The following HS6ST2 variants were observed in gnomAD, a reference collection of about 807,000 sequenced individuals.
HS6ST2 encodes heparan-sulfate 6-O-sulfotransferase 2.
A neutral mutation model predicts 33.0 loss-of-function variants in HS6ST2; 17 were observed. That is an observed-to-expected ratio of 0.52 (90% confidence interval 0.35 to 0.77). The LOEUF is 0.77. Among genes scored for constraint, HS6ST2 ranks in the 30% least tolerant of loss-of-function variants. The pLI is 0.01. For synonymous variants in HS6ST2, 248 were observed against 237.1 expected, an observed-to-expected ratio of 1.05 and a Z score of -0.42; for missense variants, 519 against 551.7, an observed-to-expected ratio of 0.94 and a Z score of 0.59.
At chrX:132,920,373 C>G (rs191621316) in intron 2 of HS6ST2, among the ~76,000 whole-genome samples, 2 of 110,961 alleles carry the variant, frequency 1.8e-5, no homozygotes, top group East Asian at 5.7e-4. Context: ...TCGATGCTTA[C>G]ACCTCCGTGA....
intron 2 of HS6ST2, among the ~76,000 whole-genome samples, chrX:132,891,514 T>G (rs768789603): frequency 1.8e-5 from 2 of 109,415 alleles, no homozygotes; most frequent in East Asian, 5.8e-4. Flanking sequence ...TAGGTATATC[T>G]CCTAATGCTA....
intron 2 of HS6ST2, among the ~76,000 whole-genome samples, chrX:132,860,729 T>G (rs1367968293): frequency 2.7e-5 from 3 of 110,351 alleles, no homozygotes; most frequent in African/African-American, 9.9e-5. Flanking sequence ...CCAACTGTTT[T>G]TGTTTGCCTT....
At chrX:132,846,346 G>A (rs2065750335) in intron 2 of HS6ST2, among the ~76,000 whole-genome samples, 1 of 112,303 alleles carries the variant, frequency 8.9e-6, no homozygotes, top group African/African-American at 3.2e-5. Context: ...AAGGTAATCA[G>A]AACTCTCTTA....
chrX:132,637,533 C>G (rs2063557280), intron 4 of HS6ST2, among the ~76,000 whole-genome samples: 1 of 106,161 alleles, frequency 9.4e-6, no homozygotes. Flanking sequence ...TCACGAAAGG[C>G]CATGATAAGG....
At chrX:132,802,485 G>A (rs969100731) in intron 2 of HS6ST2, among the ~76,000 whole-genome samples, 6 of 111,637 alleles carry the variant, frequency 5.4e-5, no homozygotes, top group African/African-American at 2.0e-4. Context: ...ACACTGTAAA[G>A]TAGTAACACT....
At chrX:132,852,361 G>A (rs1385801955) in intron 2 of HS6ST2, among the ~76,000 whole-genome samples, 1 of 111,430 alleles carries the variant, frequency 9.0e-6, no homozygotes, top group Non-Finnish European at 1.9e-5. Flanking sequence ...TATAATCATA[G>A]TAAATTCCAT....
intron 2 of HS6ST2, among the ~76,000 whole-genome samples, chrX:132,843,850 G>T (rs2097381): frequency 2.7e-5 from 3 of 110,513 alleles, no homozygotes; most frequent in South Asian, 3.8e-4. Context: ...CTTTTCCCTG[G>T]GGAAGTCGCC....
At chrX:132,767,360 A>C (rs1818418686) in intron 2 of HS6ST2, among the ~76,000 whole-genome samples, 1 of 111,766 alleles carries the variant, frequency 8.9e-6, no homozygotes. Flanking sequence ...CTGGGACTAC[A>C]GGCGCACATC....
chrX:132,728,442 C>A (rs750832796), intron 2 of HS6ST2, among the ~76,000 whole-genome samples: 33 of 111,653 alleles, frequency 3.0e-4, no homozygotes, highest in African/African-American at 9.4e-4. Context: ...GACAAGGCAG[C>A]GGGTGTGGGA....
At chrX:132,706,152 G>A (rs1416523664) in intron 3 of HS6ST2, among the ~76,000 whole-genome samples, 1 of 110,881 alleles carries the variant, frequency 9.0e-6, no homozygotes, top group Non-Finnish European at 1.9e-5. Flanking sequence ...ATCTGAAAAA[G>A]GAGGGAGTGT....
chrX:132,819,541 A>C (rs1221729356), intron 2 of HS6ST2, among the ~76,000 whole-genome samples: 1 of 111,949 alleles, frequency 8.9e-6, no homozygotes, highest in Admixed American at 9.5e-5. Context: ...GACAATACCC[A>C]GAGAACTAAG....
chrX:132,909,790 G>A (rs2066514371), intron 2 of HS6ST2, among the ~76,000 whole-genome samples: 1 of 111,153 alleles, frequency 9.0e-6, no homozygotes, highest in South Asian at 3.9e-4. Context: ...GCATTTCAAA[G>A]GCAAAAAATG....
At chrX:132,889,298 G>T (rs2066283145) in intron 2 of HS6ST2, among the ~76,000 whole-genome samples, 1 of 111,464 alleles carries the variant, frequency 9.0e-6, no homozygotes, top group Non-Finnish European at 1.9e-5. Flanking sequence ...AGATTATGCT[G>T]GGGATTAAAT....
Position 132,784,779 on chromosome X carries a change from C to T in HS6ST2, c.948-76285G>A, listed in dbSNP as rs1348573988. 3.6e-5 allele frequency among the ~76,000 whole-genome samples: 4 copies of T among 111,982 alleles called. No individual in the cohort carries two copies. In the East Asian group the frequency reaches 8.4e-4, roughly 24 times the overall value. ...ACCATTGAAAGAAACTTCATTTGGT[C>T]GGGCTGGCACCACATCAAAAAACAA... On this transcript the variant is annotated intron_variant, in intron 2 of 4. Coordinates refer to ENST00000370833, the MANE Select transcript of HS6ST2 (RefSeq NM_001394073.1).
At chrX:132,889,050 G>A (rs1180059065) in intron 2 of HS6ST2, among the ~76,000 whole-genome samples, 2 of 110,882 alleles carry the variant, frequency 1.8e-5, no homozygotes, top group Non-Finnish European at 3.8e-5. Context: ...CAGGCAGCAA[G>A]TAGCAGACCC....
chrX:132,844,130 AC>A (rs1188955471), intron 2 of HS6ST2, among the ~76,000 whole-genome samples: 1 of 112,082 alleles, frequency 8.9e-6, no homozygotes, highest in African/African-American at 3.2e-5. Context: ...AAGAGTTCAC[AC>A]ATCTTCTAGA....
intron 2 of HS6ST2, among the ~76,000 whole-genome samples, chrX:132,905,638 G>A (rs1031144170): frequency 1.8e-5 from 2 of 112,085 alleles, no homozygotes; most frequent in Non-Finnish European, 3.8e-5. Flanking sequence ...ATTTGGAGGG[G>A]CAAGTATGCC....
chrX:132,722,393 T>C (rs1446190824), intron 2 of HS6ST2, among the ~76,000 whole-genome samples: 1 of 111,596 alleles, frequency 9.0e-6, no homozygotes, highest in East Asian at 2.8e-4. Flanking sequence ...AGTTGGGGTT[T>C]TTAAGGACAG....
intron 2 of HS6ST2, among the ~76,000 whole-genome samples, chrX:132,829,195 T>C (rs1289718738): frequency 1.4e-5 from 1 of 69,025 alleles, no homozygotes; most frequent in African/African-American, 6.8e-5. Flanking sequence ...TATATATATA[T>C]ATATACATAC....
Sources: gnomAD v4.1 joint callset for allele counts (sites outside exome capture counted in the v4.1 genomes callset) on GRCh38, gnomAD v4.1.1 for gene constraint, MANE v1.5 for transcripts, NCBI Gene and HGNC (gene_info 2026-07-23, HGNC 2026-07-21) for gene names.